Variants in LRP5 observed in about 807,000 individuals in gnomAD.
LRP5 encodes the protein low-density lipoprotein receptor-related protein 5.
A neutral mutation model predicts 154.1 loss-of-function variants in LRP5; 62 were observed. The ratio of observed to expected loss-of-function variants is 0.40; its 90% CI spans 0.33 to 0.50. The LOEUF is 0.50. LRP5 is among the 20% of genes least tolerant of loss of function. The pLI, the probability that LRP5 is intolerant of heterozygous loss-of-function variation, is 0.55. For missense variants in LRP5, 1,915 were observed against 2,336.7 expected, an observed-to-expected ratio of 0.82 and a Z score of 3.72; for synonymous variants, 966 against 1,011.5, an observed-to-expected ratio of 0.96 and a Z score of 0.85.
At chr11:68,307,190 A>C in the LRP5 span, among the ~76,000 whole-genome samples, 1 of 152,028 alleles carries the variant, frequency 6.6e-6, no homozygotes, top group East Asian at 1.9e-4. Context: ...CTCAAAAAAA[A>C]AAGGTAAGGT....
chr11:68,448,849 T>A lies in LRP5; in HGVS notation c.4627T>A (p.Cys1543Ser). The change falls in exon 23 of 23, where the codon TGC becomes AGC. Residue 1543 changes from cysteine to serine, a missense_variant. Coordinates refer to ENST00000294304, the MANE Select transcript of LRP5 (RefSeq NM_002335.4). ...IRGMAPPTTPCSTDVCDSDYS... is the reference protein window; with the variant it reads ...IRGMAPPTTPSSTDVCDSDYS... Reference sequence around the variant, plus strand: ...AGGAATGGCGCCCCCGACGACGCCCTGCAGCACCGACGTGTGTGACAGCGA... The same window carrying A: ...AGGAATGGCGCCCCCGACGACGCCCAGCAGCACCGACGTGTGTGACAGCGA... The A allele has an allele frequency of 6.2e-7, 1 of 1,611,300 alleles. No individual in the cohort carries two copies. Among genetic ancestry groups the A allele is most frequent in the Non-Finnish European group, 8.5e-7 (1 of 1,179,990 alleles).
intron 5 of LRP5, among the ~76,000 whole-genome samples, chr11:68,365,942 C>T (rs546589258): frequency 8.9e-4 from 136 of 152,260 alleles, no homozygotes; most frequent in African/African-American, 3.2e-3. Flanking sequence ...AGATATTTTC[C>T]ACTTTTTTAC....
At position 68,312,632 on chromosome 11, in the gene LRP5, C is replaced by G; in HGVS notation, c.-83C>G. 1.7e-6 allele frequency: 1 copy of G among 593,472 alleles called. No individual in the cohort carries two copies. The highest frequency in any genetic ancestry group is 2.1e-6 in the Non-Finnish European group (1 of 472,080). 36.8% of individuals were successfully genotyped at this position (593,472 alleles called of 1,614,324 possible). On this transcript the variant is annotated 5_prime_UTR_variant, in exon 1 of 23. Coordinates refer to ENST00000294304, the MANE Select transcript of LRP5 (RefSeq NM_002335.4). ...GCGCCCGAGGGGGGAGGCGGAGGCGCCGGGAGCCGCGCGAGGAGCCGCCGC... is the reference window on the plus strand; with the variant it reads ...GCGCCCGAGGGGGGAGGCGGAGGCGGCGGGAGCCGCGCGAGGAGCCGCCGC...
At chr11:68,358,675 C>T (rs766205498) in intron 3 of LRP5, among the ~76,000 whole-genome samples, 6 of 152,174 alleles carry the variant, frequency 3.9e-5, no homozygotes, top group Admixed American at 6.5e-5. Context: ...TAAAATGGGC[C>T]GAGAATGAGT....
intron 7 of LRP5, among the ~76,000 whole-genome samples, chr11:68,391,734 G>A (rs74790187): frequency 6.6e-6 from 1 of 152,152 alleles, no homozygotes; most frequent in Non-Finnish European, 1.5e-5. Flanking sequence ...TTTGCGGGCC[G>A]CTGAGGATGA....
chr11:68,374,711 T>C (rs2098636378), intron 5 of LRP5, among the ~76,000 whole-genome samples: 1 of 152,150 alleles, frequency 6.6e-6, no homozygotes, highest in African/African-American at 2.4e-5. Flanking sequence ...CTCTCCTGAC[T>C]TCTATCACCT....
the LRP5 span, among the ~76,000 whole-genome samples, chr11:68,305,058 G>A: frequency 6.6e-6 from 1 of 152,110 alleles, no homozygotes; most frequent in South Asian, 2.1e-4. Flanking sequence ...TGAGATCTGG[G>A]GGGCCAGGGG....
intron 7 of LRP5, among the ~76,000 whole-genome samples, chr11:68,402,292 G>A (rs1033936081): frequency 7.2e-5 from 11 of 152,138 alleles, no homozygotes; most frequent in African/African-American, 2.7e-4. Context: ...CCTATCTCAC[G>A]CGGCTGTATG....
intron 14 of LRP5, among the ~76,000 whole-genome samples, chr11:68,424,198 A>G (rs1327807974): frequency 6.6e-6 from 1 of 152,200 alleles, no homozygotes; most frequent in Non-Finnish European, 1.5e-5. Context: ...CCCATGTGAC[A>G]TGAAACTCAG....
At position 68,423,484 on chromosome 11, in the gene LRP5, T is replaced by C; in HGVS notation, c.3028-5T>C. 1 of 1,613,990 alleles carries C rather than the reference T, an allele frequency of 6.2e-7. No homozygotes were observed. Among genetic ancestry groups the C allele is most frequent in the East Asian group, 2.2e-5 (1 of 44,876 alleles). Reference sequence around the variant, plus strand: ...CTCAGGAGTCTTGGTTTCTTTGTCTTACAGCCCTTTGTTTTGACCTCTCTG... The same window carrying C: ...CTCAGGAGTCTTGGTTTCTTTGTCTCACAGCCCTTTGTTTTGACCTCTCTG... On this transcript the variant is annotated splice_polypyrimidine_tract_variant and splice_region_variant and intron_variant, in intron 13 of 22. Transcript: ENST00000294304. This position sits in a 1 kb window ranked among gnomAD's most constrained non-coding sequence, Gnocchi z 4.7.
At chr11:68,325,067 A>G (rs1591176253) in intron 1 of LRP5, among the ~76,000 whole-genome samples, 2 of 152,290 alleles carry the variant, frequency 1.3e-5, no homozygotes, top group South Asian at 2.1e-4. Context: ...AGGGTGGACT[A>G]TAGCCCAGAG....
intron 1 of LRP5, among the ~76,000 whole-genome samples, chr11:68,336,299 T>A (rs955091731): frequency 6.6e-6 from 1 of 152,144 alleles, no homozygotes. Flanking sequence ...ACTGTCCAAA[T>A]CTAGGAATAT....
Position 68,423,363 on chromosome 11 carries a change from G to A in LRP5, c.3028-126G>A, listed in dbSNP as rs2098666889. ...GCCAGAGCTCTCCAGCCAGTGCCCA[G>A]GGCTCTCCAGCCAGTGCCCGGGGGT... On this transcript the variant is annotated intron_variant, in intron 13 of 22. Transcript: ENST00000294304. This position sits in a 1 kb window ranked among gnomAD's most constrained non-coding sequence, Gnocchi z 4.7. 1 of 858,198 alleles carries A rather than the reference G, an allele frequency of 1.2e-6. No homozygotes were observed. Among genetic ancestry groups the A allele is most frequent in the Non-Finnish European group, 2.0e-6 (1 of 500,580 alleles). 53.2% of individuals were successfully genotyped at this position (858,198 alleles called of 1,614,324 possible).
chr11:68,331,127 G>A (rs980955384), intron 1 of LRP5, among the ~76,000 whole-genome samples: 9 of 152,224 alleles, frequency 5.9e-5, no homozygotes, highest in African/African-American at 1.9e-4. Context: ...TGGTAATTAT[G>A]CTCCAGGCCT....
intron 1 of LRP5, among the ~76,000 whole-genome samples, chr11:68,327,379 C>T (rs1340109522): frequency 6.6e-6 from 1 of 152,216 alleles, no homozygotes; most frequent in Admixed American, 6.5e-5. Flanking sequence ...GACAAGCATC[C>T]CTCCAGGTAT....
intron 1 of LRP5, among the ~76,000 whole-genome samples, chr11:68,323,975 C>T (rs1334085999): frequency 2.6e-5 from 4 of 152,310 alleles, no homozygotes; most frequent in East Asian, 1.9e-4. Flanking sequence ...TGGCCACTGC[C>T]ACCCACAGTC....
chr11:68,436,553 AC>A (rs58286192), intron 18 of LRP5, among the ~76,000 whole-genome samples: 3 of 148,278 alleles, frequency 2.0e-5, no homozygotes, highest in East Asian at 4.0e-4. Context: ...CTTGGCACCC[AC>A]CCCCCCACCA....
intron 21 of LRP5, among the ~76,000 whole-genome samples, chr11:68,444,505 G>A (rs1364222389): frequency 1.3e-5 from 2 of 151,484 alleles, no homozygotes; most frequent in Admixed American, 6.6e-5. Flanking sequence ...CAACAAGAGC[G>A]AGACTCAGTC....
At chr11:68,410,712 C>T (rs1340647554) in intron 10 of LRP5, among the ~76,000 whole-genome samples, 2 of 152,140 alleles carry the variant, frequency 1.3e-5, no homozygotes, top group Non-Finnish European at 2.9e-5. Flanking sequence ...GCCTTGGGCA[C>T]GGGGTTCAGA....
Sources: gnomAD v4.1 joint callset for allele counts (sites outside exome capture counted in the v4.1 genomes callset) on GRCh38, gnomAD v4.1.1 for gene constraint, Gnocchi (gnomAD v3.1) non-coding constraint, MANE v1.5 for transcripts, NCBI Gene and HGNC (gene_info 2026-07-23, HGNC 2026-07-21) for gene names.